Variants in ENOX1 observed in about 807,000 individuals in gnomAD.
ENOX1 encodes the protein ecto-NOX disulfide-thiol exchanger 1.
A neutral mutation model predicts 82.5 loss-of-function variants in ENOX1; 42 were observed. That is an observed-to-expected ratio of 0.51 (90% CI 0.40 to 0.66). The LOEUF (loss-of-function observed/expected upper bound fraction) is 0.66, where lower values mean the gene tolerates loss of function less well. Ranked by LOEUF, ENOX1 falls within the 30% of genes least tolerant of loss-of-function variation. The pLI is 0.00. For missense variants in ENOX1, 608 were observed against 811.6 expected, an observed-to-expected ratio of 0.75 and a Z score of 3.05; for synonymous variants, 271 against 282.2, an observed-to-expected ratio of 0.96 and a Z score of 0.40.
chr13:43,589,219 A>AC, intron 2 of ENOX1, among the ~76,000 whole-genome samples: 2 of 70,606 alleles, frequency 2.8e-5, no homozygotes, highest in Admixed American at 3.4e-4. Context: ...ATTAATGGAA[A>AC]AAAAAAAAAA....
intron 7 of ENOX1, among the ~76,000 whole-genome samples, chr13:43,357,684 G>A (rs974675772): frequency 5.9e-5 from 9 of 152,102 alleles, no homozygotes; most frequent in African/African-American, 2.2e-4. Context: ...CAGAGAAGCA[G>A]TTTTCAAACA....
chr13:43,479,978 C>T (rs891940614), intron 3 of ENOX1, among the ~76,000 whole-genome samples: 8 of 151,462 alleles, frequency 5.3e-5, no homozygotes, highest in Admixed American at 2.0e-4. Context: ...TCTTGCTGCC[C>T]AGGCTGGAGT....
chr13:43,720,748 C>T (rs114420953), intron 1 of ENOX1, among the ~76,000 whole-genome samples: 2,223 of 152,280 alleles, frequency 0.015, 52 homozygotes, highest in African/African-American at 0.049. Flanking sequence ...TATTTGTATA[C>T]AGCTTTTTTG....
chr13:43,326,223 T>C (rs1477555307), intron 10 of ENOX1, among the ~76,000 whole-genome samples, 196 bp downstream of exon 10: 1 of 152,222 alleles, frequency 6.6e-6, no homozygotes, highest in East Asian at 1.9e-4. Context: ...AGAAAAACAC[T>C]GTGTTCCCTA....
intron 2 of ENOX1, among the ~76,000 whole-genome samples, chr13:43,535,562 G>A (rs80293316): frequency 0.014 from 2,150 of 152,234 alleles, 26 homozygotes; most frequent in Non-Finnish European, 0.02. Flanking sequence ...GCTAGTGAAT[G>A]ACTTCTCGTG....
At chr13:43,273,472 A>ACT (rs2044816521) in intron 12 of ENOX1, among the ~76,000 whole-genome samples, 1 of 152,180 alleles carries the variant, frequency 6.6e-6, no homozygotes, top group African/African-American at 2.4e-5. Flanking sequence ...AGCTGCTTCC[A>ACT]TGACTTATGA....
intron 1 of ENOX1, among the ~76,000 whole-genome samples, chr13:43,740,165 G>T (rs988490832): frequency 6.6e-6 from 1 of 152,096 alleles, no homozygotes; most frequent in African/African-American, 2.4e-5. Context: ...TGAGTTAGAA[G>T]AGCGACATTT....
chr13:43,227,392 C>T (rs780528058), intron 15 of ENOX1, among the ~76,000 whole-genome samples: 48 of 152,248 alleles, frequency 3.2e-4, no homozygotes, highest in Non-Finnish European at 3.7e-4. Flanking sequence ...ATATGTTGAA[C>T]GTATTTATTT....
At chr13:43,238,428 C>T (rs1339985974) in intron 14 of ENOX1, among the ~76,000 whole-genome samples, 1 of 152,186 alleles carries the variant, frequency 6.6e-6, no homozygotes, top group East Asian at 1.9e-4. Context: ...GCTGATTAGG[C>T]ACTTTCTCCA....
chr13:43,764,343 G>A (rs1951150062), intron 1 of ENOX1, among the ~76,000 whole-genome samples: 1 of 152,078 alleles, frequency 6.6e-6, no homozygotes, highest in East Asian at 1.9e-4. Context: ...TTGAATAGAG[G>A]GCCTTATATT....
intron 2 of ENOX1, among the ~76,000 whole-genome samples, chr13:43,496,189 A>G (rs1312666351): frequency 6.6e-6 from 1 of 151,318 alleles, no homozygotes; most frequent in East Asian, 1.9e-4. Flanking sequence ...ATTTTTTTCT[A>G]TAATGTGAGT....
At chr13:43,310,562 C>A (rs1355065932) in intron 11 of ENOX1, among the ~76,000 whole-genome samples, 1 of 152,144 alleles carries the variant, frequency 6.6e-6, no homozygotes, top group Admixed American at 6.5e-5. Flanking sequence ...ATCTAAAGTG[C>A]TTTGTTAACA....
intron 8 of ENOX1, among the ~76,000 whole-genome samples, chr13:43,347,833 G>A (rs930600408): frequency 2.6e-5 from 4 of 152,224 alleles, no homozygotes; most frequent in African/African-American, 9.6e-5. Flanking sequence ...ATGCAGTTTA[G>A]AAGCTAGAAT....
At chr13:43,581,086 T>C (rs1189969818) in intron 2 of ENOX1, among the ~76,000 whole-genome samples, 1 of 149,720 alleles carries the variant, frequency 6.7e-6, no homozygotes, top group East Asian at 2.0e-4. Flanking sequence ...GGAGAGATAC[T>C]CAGGTATCTG....
chr13:43,754,353 A>ATTAT (rs1566882340), intron 1 of ENOX1, among the ~76,000 whole-genome samples: 5 of 138,904 alleles, frequency 3.6e-5, no homozygotes, highest in African/African-American at 7.9e-5. Context: ...ATTATTATTT[A>ATTAT]TTTTTTTTTT....
At chr13:43,668,691 T>C (rs2085106850) in intron 1 of ENOX1, among the ~76,000 whole-genome samples, 1 of 152,130 alleles carries the variant, frequency 6.6e-6, no homozygotes, top group Non-Finnish European at 1.5e-5. Flanking sequence ...CATGGCATGA[T>C]AGATCTAATA....
At chr13:43,654,315 C>A (rs2084330879) in intron 2 of ENOX1, among the ~76,000 whole-genome samples, 1 of 152,194 alleles carries the variant, frequency 6.6e-6, no homozygotes, top group Non-Finnish European at 1.5e-5. Context: ...AAGGCTATAA[C>A]ATCAACTCTT....
intron 9 of ENOX1, among the ~76,000 whole-genome samples, chr13:43,331,079 C>G (rs1197241805): frequency 1.3e-5 from 2 of 152,156 alleles, no homozygotes; most frequent in Non-Finnish European, 2.9e-5. Flanking sequence ...TATCCAGGAA[C>G]AGACCACACT....
At chr13:43,583,379 A>G (rs1008400545) in intron 2 of ENOX1, among the ~76,000 whole-genome samples, 1 of 152,246 alleles carries the variant, frequency 6.6e-6, no homozygotes, top group Non-Finnish European at 1.5e-5. Flanking sequence ...TAAATCTATC[A>G]ACACCAAATT....
Sources: allele counts gnomAD v4.1 joint callset (sites outside exome capture counted in the v4.1 genomes callset), GRCh38; gene constraint gnomAD v4.1.1; transcripts MANE v1.5; gene names NCBI Gene and HGNC (gene_info 2026-07-23, HGNC 2026-07-21).